The following TRIM5 variants were observed in gnomAD, a reference collection of about 807,000 sequenced individuals.
TRIM5 encodes tripartite motif containing 5.
TRIM5 carries 31 observed loss-of-function variants against 35.6 expected under a neutral mutation model. The observed-to-expected ratio is 0.87, with a 90% CI of 0.65 to 1.18. TRIM5 has a LOEUF of 1.18. Among genes scored for constraint, TRIM5 ranks in the 50% most tolerant of loss-of-function variants. The pLI is 0.00. For missense variants in TRIM5, 609 were observed against 591.6 expected (o/e 1.03, Z -0.31); for synonymous variants, 243 against 215.6 (o/e 1.13, Z -1.11).
chr11:5,622,444 C>CAAA, the TRIM5 span, among the ~76,000 whole-genome samples: 2 of 116,416 alleles, frequency 1.7e-5, no homozygotes, highest in African/African-American at 6.5e-5. Context: ...GACTACCTCT[C>CAAA]AAAAAAAAAA....
chr11:5,601,403 G>A, the TRIM5 span, among the ~76,000 whole-genome samples: 1 of 152,198 alleles, frequency 6.6e-6, no homozygotes. Flanking sequence ...GAGGGATAAA[G>A]AAAGCAAGAG....
intron 4 of TRIM5, among the ~76,000 whole-genome samples, chr11:5,668,462 C>A (rs1433826421): frequency 6.8e-6 from 1 of 146,444 alleles, no homozygotes; most frequent in African/African-American, 2.7e-5. Flanking sequence ...TTCTTTCTTT[C>A]TTTTTTTTTA....
At chr11:5,668,005 C>A (rs973991509) in intron 4 of TRIM5, among the ~76,000 whole-genome samples, 2 of 152,128 alleles carry the variant, frequency 1.3e-5, no homozygotes, top group African/African-American at 2.4e-5. Flanking sequence ...TTTCTCCAAA[C>A]GTATATGGCT....
chr11:5,657,689 TATAA>T, the TRIM5 span, among the ~76,000 whole-genome samples: 2 of 131,076 alleles, frequency 1.5e-5, no homozygotes, highest in Admixed American at 8.8e-5. Flanking sequence ...TATATATATT[TATAA>T]TATAATATAT....
At chr11:5,676,870 TA>T (rs1314311182) in intron 4 of TRIM5, among the ~76,000 whole-genome samples, 5 of 150,130 alleles carry the variant, frequency 3.3e-5, no homozygotes, top group Non-Finnish European at 7.4e-5. Flanking sequence ...CCCTATTTAA[TA>T]AATGGTGCTG....
At chr11:5,592,878 C>T in the TRIM5 span, among the ~76,000 whole-genome samples, 1 of 132,056 alleles carries the variant, frequency 7.6e-6, no homozygotes, top group Non-Finnish European at 1.5e-5. Flanking sequence ...GATTGTGCTA[C>T]TACATGCCAG....
the TRIM5 span, chr11:5,595,183 C>T: frequency 6.6e-6 from 1 of 152,228 alleles, no homozygotes; most frequent in Non-Finnish European, 1.5e-5. Context: ...TCCCTTCTCT[C>T]TCTATACCTC....
the TRIM5 span, chr11:5,610,765 C>G: frequency 1.2e-6 from 2 of 1,613,024 alleles, no homozygotes; most frequent in Non-Finnish European, 1.7e-6. Flanking sequence ...GATGTTGTAC[C>G]TTTTCCTACA....
At chr11:5,667,364 GC>G (rs889426124) in intron 5 of TRIM5, among the ~76,000 whole-genome samples, 122 of 151,962 alleles carry the variant, frequency 8.0e-4, no homozygotes, top group African/African-American at 2.9e-3. Context: ...GGGCCACCAC[GC>G]CCCCCTAATT....
the TRIM5 span, among the ~76,000 whole-genome samples, chr11:5,599,897 A>G: frequency 5.5e-4 from 83 of 152,236 alleles, no homozygotes; most frequent in Middle Eastern, 3.4e-3. Flanking sequence ...TAGAGCCTCT[A>G]TTGCCTCTAG....
At chr11:5,610,218 C>G in the TRIM5 span, 1 of 1,614,086 alleles carries the variant, frequency 6.2e-7, no homozygotes, top group Non-Finnish European at 8.5e-7. Flanking sequence ...AGCCCCAGAT[C>G]TGAAAAGGAT....
At chr11:5,603,393 CA>C in the TRIM5 span, 1,020 of 1,613,934 alleles carry the variant, frequency 6.3e-4, 1 homozygote, top group Non-Finnish European at 8.2e-4. Context: ...AACCCCTGAG[CA>C]TAGACTGTGG....
the TRIM5 span, among the ~76,000 whole-genome samples, chr11:5,623,508 C>T: frequency 1.3e-5 from 2 of 150,584 alleles, no homozygotes; most frequent in South Asian, 2.1e-4. Context: ...GCTGGGATTA[C>T]AGGCGCATGC....
chr11:5,599,715 T>TC, the TRIM5 span, among the ~76,000 whole-genome samples: 5 of 151,950 alleles, frequency 3.3e-5, no homozygotes, highest in African/African-American at 7.3e-5. Context: ...CACAATTATT[T>TC]TTTAACAGTA....
chr11:5,682,571 C>A (rs1474817932), intron 1 of TRIM5, among the ~76,000 whole-genome samples: 1 of 152,134 alleles, frequency 6.6e-6, no homozygotes, highest in East Asian at 1.9e-4. Flanking sequence ...GCCAGACTGC[C>A]CAGCATGGTC....
downstream of TRIM5, among the ~76,000 whole-genome samples, chr11:5,658,310 C>A (rs1368872943): frequency 6.6e-6 from 1 of 152,226 alleles, no homozygotes; most frequent in Non-Finnish European, 1.5e-5. Flanking sequence ...GGTGGCCCAA[C>A]TCCAGGGAAA....
At chr11:5,610,362 G>A in the TRIM5 span, 10 of 1,562,576 alleles carry the variant, frequency 6.4e-6, no homozygotes, top group African/African-American at 1.3e-5. Flanking sequence ...GGTCCCAGAG[G>A]GAGGGACATA....
chr11:5,656,297 CA>C, the TRIM5 span, among the ~76,000 whole-genome samples: 1 of 149,832 alleles, frequency 6.7e-6, no homozygotes, highest in East Asian at 1.9e-4. Context: ...AAAACTTAAA[CA>C]AATTTACAAG....
chr11:5,654,582 A>G, the TRIM5 span, among the ~76,000 whole-genome samples: 1,317 of 152,254 alleles, frequency 8.7e-3, 25 homozygotes, highest in African/African-American at 0.029. Flanking sequence ...CTAGTCTTCG[A>G]ACACCTGGGC....
Sources: allele counts gnomAD v4.1 joint callset (sites outside exome capture counted in the v4.1 genomes callset), GRCh38; gene constraint gnomAD v4.1.1; transcripts MANE v1.5; gene names NCBI Gene and HGNC (gene_info 2026-07-23, HGNC 2026-07-21).